HIVEP2: variants seen among roughly 807,000 people sequenced by gnomAD.
The protein encoded by HIVEP2 is transcription factor HIVEP2.
Under a neutral mutation model 180.7 loss-of-function variants are expected in HIVEP2, and 14 were observed. The observed-to-expected ratio is 0.08, with a 90% CI of 0.05 to 0.12. HIVEP2 has a LOEUF of 0.12. Among genes scored for constraint, HIVEP2 ranks in the 10% least tolerant of loss-of-function variants. HIVEP2 has a pLI of 1.00. For synonymous variants in HIVEP2, 1,184 were observed against 1,136.4 expected, an observed-to-expected ratio of 1.04 and a Z score of -0.84; for missense variants, 2,579 against 3,008.5, an observed-to-expected ratio of 0.86 and a Z score of 3.34.
intron 1 of HIVEP2, among the ~76,000 whole-genome samples, chr6:142,885,688 C>T (rs1031498247): frequency 2.0e-5 from 3 of 152,284 alleles, no homozygotes; most frequent in African/African-American, 7.2e-5. Flanking sequence ...CTGAAGTCAA[C>T]GTGCTGCAGT....
At chr6:142,789,471 C>T (rs111388777) in intron 2 of HIVEP2, among the ~76,000 whole-genome samples, 2,064 of 152,326 alleles carry the variant, frequency 0.014, 64 homozygotes, top group African/African-American at 0.047. Context: ...CTACAAACTT[C>T]TATTACTATT....
chr6:142,926,749 C>T (rs1166699178), intron 1 of HIVEP2, among the ~76,000 whole-genome samples: 2 of 152,168 alleles, frequency 1.3e-5, no homozygotes, highest in East Asian at 3.9e-4. Flanking sequence ...CCAGTGAACC[C>T]GGGCCGGGGC....
In HIVEP2 at chr6:142,773,890, C is replaced by T; in HGVS notation, c.849G>A (p.Glu283=). 2.5e-6 allele frequency: 4 copies of T among 1,613,792 alleles called. No individual in the cohort carries two copies. Among genetic ancestry groups the T allele is most frequent in the Non-Finnish European group, 3.4e-6 (4 of 1,180,038 alleles). ...SDGEQSTDTD[E]ESSLFAEASD... ...AAGCCTCGGCAAATAAAGAACTCTC[C>T]TCATCTGTGTCTGTACTCTGTTCAC... is the stretch of plus-strand genomic sequence containing the variant. The change falls in exon 5 of 10, where the codon GAG becomes GAA. Residue 283 remains glutamate (E), a synonymous_variant. Transcript: ENST00000367603.
intron 2 of HIVEP2, among the ~76,000 whole-genome samples, chr6:142,802,733 C>A (rs2114765536): frequency 1.3e-5 from 2 of 152,166 alleles, no homozygotes; most frequent in East Asian, 1.9e-4. Flanking sequence ...AAGGGAATAT[C>A]ATGGAGAGAA....
At chr6:142,764,776 T>C (rs1396639805) in intron 7 of HIVEP2, 23 bp downstream of exon 7, 5 of 1,593,574 alleles carry the variant, frequency 3.1e-6, no homozygotes, top group Non-Finnish European at 4.3e-6. Flanking sequence ...GTATTTTTCC[T>C]CTCAAAAAAA....
At chr6:142,928,029 A>G (rs1777857114) in intron 1 of HIVEP2, among the ~76,000 whole-genome samples, 1 of 152,256 alleles carries the variant, frequency 6.6e-6, no homozygotes, top group Non-Finnish European at 1.5e-5. Flanking sequence ...CATTTGAACT[A>G]AGCAATGTTT....
chr6:142,831,020 C>T (rs538909035), intron 2 of HIVEP2, among the ~76,000 whole-genome samples: 7 of 152,342 alleles, frequency 4.6e-5, no homozygotes, highest in African/African-American at 1.7e-4. Flanking sequence ...AGGAGACCAG[C>T]AAGTACTCTG....
chr6:142,839,604 C>T (rs1350591742), intron 1 of HIVEP2, among the ~76,000 whole-genome samples: 1 of 152,090 alleles, frequency 6.6e-6, no homozygotes, highest in Non-Finnish European at 1.5e-5. Context: ...GTGACTTTCT[C>T]TAGCTGAGTG....
rs550422411 is a variant in HIVEP2, at chr6:142,929,476, G to A, written c.-641+15623C>T. ...TATAAACCAGAACAAAAAAAAAGGA[G>A]TTCTTCAGGTTCCTGGTGCTATTTT... On this transcript the variant is annotated intron_variant, in intron 1 of 9. Transcript: ENST00000367603. Among the ~76,000 whole-genome samples, 3 of 152,202 alleles carry A rather than the reference G, an allele frequency of 2.0e-5. No homozygotes were observed. In the South Asian group the frequency reaches 6.2e-4, roughly 32 times the overall value.
intron 2 of HIVEP2, among the ~76,000 whole-genome samples, chr6:142,809,031 G>C (rs1423309530): frequency 2.0e-5 from 3 of 152,010 alleles, no homozygotes; most frequent in Admixed American, 2.0e-4. Context: ...ACAAATCCGA[G>C]TACAAGGTCT....
intron 1 of HIVEP2, among the ~76,000 whole-genome samples, chr6:142,926,878 G>A (rs7772306): frequency 0.019 from 2,820 of 152,100 alleles, 96 homozygotes; most frequent in African/African-American, 0.064. Flanking sequence ...CGGCAGGAAG[G>A]GGGGAGGCCG....
rs187534217 is a variant in HIVEP2 at position 142,764,762 on chromosome 6, A to G, written c.5518+37T>C. On this transcript the variant is annotated intron_variant, in intron 7 of 9. Coordinates refer to ENST00000367603, the MANE Select transcript of HIVEP2 (RefSeq NM_006734.4). ...CACTCAGAAATCTAAGTAGCCATAGAGAAGTATTTTTCCTCTCAAAAAAAT... is the reference window on the plus strand; with the variant it reads ...CACTCAGAAATCTAAGTAGCCATAGGGAAGTATTTTTCCTCTCAAAAAAAT... 4.0e-6 allele frequency: 6 copies of G among 1,502,350 alleles called. No individual in the cohort carries two copies. The African/African-American group carries it at 5.5e-5, about 14-fold the overall frequency. 93.1% of individuals were successfully genotyped at this position (1,502,350 alleles called of 1,614,324 possible).
intron 1 of HIVEP2, among the ~76,000 whole-genome samples, chr6:142,870,461 T>C (rs1172501928): frequency 6.6e-6 from 1 of 152,180 alleles, no homozygotes; most frequent in Non-Finnish European, 1.5e-5. Flanking sequence ...ATAGGGCCTC[T>C]CCTTCTTCTT....
intron 1 of HIVEP2, among the ~76,000 whole-genome samples, chr6:142,854,336 C>G (rs1474509415): frequency 2.6e-5 from 4 of 152,184 alleles, no homozygotes; most frequent in Non-Finnish European, 5.9e-5. Context: ...AAAGACTTAT[C>G]TGGCTCCAAA....
rs554789464 is a variant in HIVEP2 at position 142,773,629 on chromosome 6, T to C, written c.1110A>G (p.Ala370=). ...GTCCTTTTTTCTCTGACAGTCTTAG[T>C]GCAAGTTTCTGTTTGACTGTGTGCG... The part of the protein sequence containing the change: ...DDSHTVKQKL[A]LRLSEKKGQD... Residue 370 remains alanine, a synonymous_variant, in exon 5 of 10, where the codon GCA becomes GCG. Transcript: ENST00000367603. 1 of 1,614,204 alleles carries C rather than the reference T, an allele frequency of 6.2e-7. No individual in the cohort carries two copies. The highest frequency in any genetic ancestry group is 8.5e-7 in the Non-Finnish European group (1 of 1,180,032).
chr6:142,805,928 T>TC (rs1399383889), intron 2 of HIVEP2, among the ~76,000 whole-genome samples: 1 of 152,186 alleles, frequency 6.6e-6, no homozygotes, highest in African/African-American at 2.4e-5. Context: ...AGACATCATC[T>TC]CCGTCTGCCC....
At position 142,827,209 on chromosome 6, in the gene HIVEP2, T is replaced by A. The variant is rs546278981; in HGVS notation, c.-528+9726A>T. On this transcript the variant is annotated intron_variant, in intron 2 of 9. Coordinates refer to ENST00000367603, the MANE Select transcript of HIVEP2 (RefSeq NM_006734.4). ...TTATCAAGCCCGGTTGGCTATATAA[T>A]TGCTTGAAAAAACAAAAACCAACTA... Among the ~76,000 whole-genome samples the A allele has an allele frequency of 7.9e-5, 12 of 152,314 alleles. No homozygotes were observed. The East Asian group carries it at 2.1e-3, about 27-fold the overall frequency.
At chr6:142,812,168 G>C (rs1378781318) in intron 2 of HIVEP2, among the ~76,000 whole-genome samples, 1 of 152,162 alleles carries the variant, frequency 6.6e-6, no homozygotes, top group Non-Finnish European at 1.5e-5. Flanking sequence ...TACCAGGGAG[G>C]ACAGCACTAC....
intron 2 of HIVEP2, among the ~76,000 whole-genome samples, chr6:142,809,376 T>C (rs1033060374): frequency 6.6e-6 from 1 of 152,130 alleles, no homozygotes; most frequent in Non-Finnish European, 1.5e-5. Context: ...CTCTTGGCAC[T>C]GGGCACACAC....
Sources: allele counts gnomAD v4.1 joint callset (sites outside exome capture counted in the v4.1 genomes callset), GRCh38; gene constraint gnomAD v4.1.1; transcripts MANE v1.5; gene names NCBI Gene and HGNC (gene_info 2026-07-23, HGNC 2026-07-21).